IFT140: variants seen among roughly 807,000 people sequenced by gnomAD.
IFT140 encodes the protein intraflagellar transport 140.
IFT140 carries 133 observed loss-of-function variants against 164.6 expected under a neutral mutation model. The ratio of observed to expected loss-of-function variants is 0.81; its 90% CI spans 0.70 to 0.93. IFT140 has a LOEUF of 0.93. IFT140 is among the 40% of genes least tolerant of loss of function. The pLI, the probability that IFT140 is intolerant of heterozygous loss-of-function variation, is 0.00. For missense variants in IFT140, 2,045 were observed against 1,972.3 expected, an observed-to-expected ratio of 1.04 and a Z score of -0.70; for synonymous variants, 860 against 817.3, an observed-to-expected ratio of 1.05 and a Z score of -0.89.
In IFT140 at chr16:1,564,696, A is replaced by C. The variant is rs1377269638; in HGVS notation, c.1902-534T>G. Among the ~76,000 whole-genome samples the C allele has an allele frequency of 6.6e-6, 1 of 152,092 alleles. No homozygotes were observed. Among genetic ancestry groups the C allele is most frequent in the Non-Finnish European group, 1.5e-5 (1 of 68,034 alleles). Reference sequence around the variant, plus strand: ...AATGATGTGCCGGCAGACGACACACAAGGTTTCAAGAGAGAGCAGGTGCCC... The same window carrying C: ...AATGATGTGCCGGCAGACGACACACCAGGTTTCAAGAGAGAGCAGGTGCCC... On this transcript the variant is annotated intron_variant, in intron 16 of 30. Transcript: ENST00000426508. This position sits in a 1 kb window ranked among gnomAD's most constrained non-coding sequence, Gnocchi z 5.5.
intron 19 of IFT140, among the ~76,000 whole-genome samples, chr16:1,530,048 G>C (rs1407084472): frequency 2.0e-5 from 3 of 152,086 alleles, no homozygotes; most frequent in African/African-American, 7.2e-5. Flanking sequence ...AGTGCGTGAG[G>C]CGTGATGGCC....
chr16:1,607,080 GAAGCTA>G, intron 3 of IFT140, 34 bp downstream of exon 3: 1 of 1,604,494 alleles, frequency 6.2e-7, no homozygotes, highest in Non-Finnish European at 8.5e-7. Context: ...ACATGAGCCA[GAAGCTA>G]CCACAGTCAG....
chr16:1,521,028 G>A (rs2040512031), intron 26 of IFT140, among the ~76,000 whole-genome samples: 1 of 152,330 alleles, frequency 6.6e-6, no homozygotes, highest in East Asian at 1.9e-4. Context: ...AGAATGGAAC[G>A]AAGGAAACAA....
chr16:1,534,055 G>A (rs1319857180), intron 19 of IFT140: 2 of 572,804 alleles, frequency 3.5e-6, no homozygotes, highest in Non-Finnish European at 5.9e-6. Flanking sequence ...GAGGCGAGCA[G>A]CTTCAGCACA....
intron 30 of IFT140, among the ~76,000 whole-genome samples, chr16:1,517,299 G>T (rs561198740): frequency 1.3e-5 from 2 of 150,542 alleles, no homozygotes. Context: ...GCAGTGAGCC[G>T]AGATCGCGCC....
chr16:1,523,450 T>A (rs1189393914), intron 26 of IFT140, 68 bp downstream of exon 26: 1 of 1,522,928 alleles, frequency 6.6e-7, no homozygotes, highest in Non-Finnish European at 8.9e-7. Flanking sequence ...TCCCACAGCC[T>A]CTGGGGACAG....
chr16:1,602,195 A>C (rs2035827937), intron 4 of IFT140, 175 bp downstream of exon 4: 1 of 632,076 alleles, frequency 1.6e-6, no homozygotes, highest in Non-Finnish European at 2.8e-6. Flanking sequence ...CCTTTGCCAC[A>C]GAGTGGCAAA....
At chr16:1,605,663 CAA>C (rs2036021381) in intron 3 of IFT140, among the ~76,000 whole-genome samples, 1 of 152,138 alleles carries the variant, frequency 6.6e-6, no homozygotes, top group Admixed American at 6.5e-5. Flanking sequence ...CCCGGCCTCC[CAA>C]AGTGTTGGGA....
chr16:1,524,061 A>G (rs2040601753), intron 24 of IFT140, 105 bp from the exon 25 acceptor site: 1 of 1,420,138 alleles, frequency 7.0e-7, no homozygotes, highest in South Asian at 1.3e-5. Flanking sequence ...TCACTTTGAC[A>G]CACTGCTCAG....
chr16:1,526,248 C>T (rs2040691619), intron 20 of IFT140, 171 bp from the exon 21 acceptor site: 1 of 662,228 alleles, frequency 1.5e-6, no homozygotes, highest in East Asian at 2.8e-5. Context: ...GCATCCCCGT[C>T]CCACGGCTGG....
chr16:1,606,405 G>A (rs1354975503), intron 3 of IFT140, among the ~76,000 whole-genome samples: 2 of 152,212 alleles, frequency 1.3e-5, no homozygotes, highest in South Asian at 4.1e-4. Context: ...CCACATACTA[G>A]GGCTTTTATA....
rs1470679979 is a variant in IFT140, at chr16:1,520,234, A to G, written c.3770T>C (p.Leu1257Pro). The change falls in exon 28 of 31, where the codon CTG becomes CCG. Residue 1257 changes from leucine (L) to proline (P), a missense_variant. Transcript: ENST00000426508. ...GATCTCCGGCTCCTTCCGCCAGTCC[A>G]GGGACTGCAGGTAGTTAGCAGCCAT... Reference protein sequence around the residue: ...YIMAANYLQSLDWRKEPEIMK... With the variant: ...YIMAANYLQSPDWRKEPEIMK... The G allele has an allele frequency of 1.9e-6, 3 of 1,614,222 alleles. No individual in the cohort carries two copies. In the Admixed American group the frequency reaches 5.0e-5, roughly 27 times the overall value.
chr16:1,512,430 G>A (rs1356262136), intron 30 of IFT140, among the ~76,000 whole-genome samples: 2 of 152,160 alleles, frequency 1.3e-5, no homozygotes, highest in Admixed American at 1.3e-4. Context: ...CAGGGAGCGT[G>A]TGCCTGGGCA....
chr16:1,519,864 TGGCCCCGGG>T lies in IFT140; in HGVS notation c.4040+8_4040+16del. The T allele has an allele frequency of 6.6e-7, 1 of 1,520,594 alleles. No homozygotes were observed. Among genetic ancestry groups the T allele is most frequent in the Non-Finnish European group, 8.8e-7 (1 of 1,136,816 alleles). 94.2% of individuals were successfully genotyped at this position (1,520,594 alleles called of 1,614,324 possible). On this transcript the variant is annotated splice_region_variant and intron_variant, in intron 29 of 30. Transcript: ENST00000426508. The stretch of plus-strand genomic sequence containing the variant: ...CACATCTGCCCTGGCCTGTCCCCGC[TGGCCCCGGG>T]GGCACACCTGCGGGCCTGGATGAAC...
At chr16:1,524,347 T>G in intron 24 of IFT140, 1 of 689,742 alleles carries the variant, frequency 1.4e-6, no homozygotes. Context: ...TGGGGACAAT[T>G]CAGTGCTTTG....
chr16:1,584,267 C>T lies in IFT140; in HGVS notation c.1309G>A (p.Ala437Thr), dbSNP rs373106880. Reference sequence around the variant, plus strand: ...TGCATGTCGGTGCGCAGGCTGTGTGCGACCCCCGTGGACAGGAAGCACACA... The same window carrying T: ...TGCATGTCGGTGCGCAGGCTGTGTGTGACCCCCGTGGACAGGAAGCACACA... ...LNVCFLSTGV[A>T]HSLRTDMHIS... The change falls in exon 11 of 31, where the codon GCA (alanine) becomes ACA (threonine). Residue 437 changes from alanine to threonine, a missense_variant. Transcript: ENST00000426508. 4.7e-5 allele frequency: 76 copies of T among 1,613,588 alleles called. No individual in the cohort carries two copies. Among genetic ancestry groups the T allele is most frequent in the East Asian group, 8.9e-5 (4 of 44,890 alleles).
At chr16:1,611,270 T>G (rs2036309104) in intron 1 of IFT140, among the ~76,000 whole-genome samples, 1 of 152,114 alleles carries the variant, frequency 6.6e-6, no homozygotes, top group Non-Finnish European at 1.5e-5. Context: ...TCTTGGGGGC[T>G]GGGGCGGGCG....
intron 17 of IFT140, 151 bp downstream of exon 17, chr16:1,563,846 G>A (rs1318744456): frequency 3.1e-6 from 2 of 636,294 alleles, no homozygotes; most frequent in Non-Finnish European, 2.5e-6. Flanking sequence ...GGCTGGTCTC[G>A]AACTCCTGGG....
At chr16:1,561,709 C>T (rs1193696790) in intron 18 of IFT140, among the ~76,000 whole-genome samples, 1 of 152,204 alleles carries the variant, frequency 6.6e-6, no homozygotes, top group African/African-American at 2.4e-5. Context: ...CTGAGTCCTG[C>T]CCGAGAGCTC....
Sources: allele counts gnomAD v4.1 joint callset (sites outside exome capture counted in the v4.1 genomes callset), GRCh38; gene constraint gnomAD v4.1.1; non-coding constraint Gnocchi (gnomAD v3.1); transcripts MANE v1.5; gene names NCBI Gene and HGNC (gene_info 2026-07-23, HGNC 2026-07-21).